MSH4: variants seen among roughly 807,000 people sequenced by gnomAD.
MSH4 encodes mutS protein homolog 4.
In MSH4, 106 loss-of-function variants were observed where a neutral mutation model predicts 113.7. The observed-to-expected ratio is 0.93, with a 90% CI of 0.80 to 1.10. MSH4 has a LOEUF of 1.10. Among genes scored for constraint, MSH4 ranks in the 50% least tolerant of loss-of-function variants. The pLI, the probability that MSH4 is intolerant of heterozygous loss-of-function variation, is 0.00. For missense variants in MSH4, 1,061 were observed against 1,093.7 expected, an observed-to-expected ratio of 0.97 and a Z score of 0.42; for synonymous variants, 368 against 380.2, an observed-to-expected ratio of 0.97 and a Z score of 0.37.
At chr1:75,809,719 C>T (rs1255931378) in intron 3 of MSH4, among the ~76,000 whole-genome samples, 2 of 149,294 alleles carry the variant, frequency 1.3e-5, no homozygotes, top group Non-Finnish European at 3.0e-5. Flanking sequence ...TGACTCACTG[C>T]GACCTCTGCC....
chr1:75,849,304 G>A (rs989121687), intron 8 of MSH4, among the ~76,000 whole-genome samples: 3 of 152,108 alleles, frequency 2.0e-5, no homozygotes, highest in African/African-American at 7.2e-5. Flanking sequence ...TTTAAATAGT[G>A]CTTATGGGTA....
chr1:75,801,655 C>T (rs1649938917), intron 1 of MSH4, among the ~76,000 whole-genome samples: 1 of 151,156 alleles, frequency 6.6e-6, no homozygotes, highest in Admixed American at 6.6e-5. Flanking sequence ...GGGAGGATTG[C>T]TTGAGGCCAG....
At chr1:75,840,472 G>C (rs1456098758) in intron 7 of MSH4, among the ~76,000 whole-genome samples, 18 of 138,754 alleles carry the variant, frequency 1.3e-4, no homozygotes, top group African/African-American at 4.6e-4. Context: ...TGAACAATGA[G>C]AACACATGGA....
intron 7 of MSH4, among the ~76,000 whole-genome samples, chr1:75,830,119 G>T (rs532409016): frequency 6.6e-6 from 1 of 152,142 alleles, no homozygotes; most frequent in Admixed American, 6.5e-5. Context: ...TGAAAACCGT[G>T]GCACGAGAAC....
At chr1:75,854,001 A>G (rs1651252945) in intron 8 of MSH4, among the ~76,000 whole-genome samples, 1 of 112,306 alleles carries the variant, frequency 8.9e-6, no homozygotes, top group Admixed American at 1.0e-4. Flanking sequence ...GCTAGGGCAT[A>G]AGTGTGTGTG....
intron 15 of MSH4, among the ~76,000 whole-genome samples, chr1:75,885,335 GTGTGTGTA>G (rs944854206): frequency 1.5e-5 from 2 of 135,808 alleles, no homozygotes; most frequent in African/African-American, 5.5e-5. Flanking sequence ...GTGTGTGTGT[GTGTGTGTA>G]TATATATATA....
intron 19 of MSH4, among the ~76,000 whole-genome samples, chr1:75,901,765 A>T (rs1652510090): frequency 6.6e-6 from 1 of 152,116 alleles, no homozygotes; most frequent in African/African-American, 2.4e-5. Context: ...ACTAATTTAC[A>T]TTCCCATCAA....
Position 75,797,141 on chromosome 1 carries a change from C to A in MSH4, c.156C>A (p.Thr52=). 1 of 1,613,682 alleles carries A rather than the reference C, an allele frequency of 6.2e-7. No homozygotes were observed. Among genetic ancestry groups the A allele is most frequent in the Middle Eastern group, 1.7e-4 (1 of 6,060 alleles). The change falls in exon 1 of 20, where the codon ACC becomes ACA. Residue 52 remains threonine (T), a synonymous_variant. Coordinates refer to ENST00000263187, the MANE Select transcript of MSH4 (RefSeq NM_002440.4). The part of the protein sequence containing the change: ...RPSVQVVSAS[T]CPGTSGAAGD... ...CGGTCCAGGTGGTCTCTGCATCCAC[C>A]TGTCCTGGCACGTCAGGAGCTGCGG...
intron 1 of MSH4, among the ~76,000 whole-genome samples, chr1:75,798,296 CTT>C (rs750266468): frequency 1.3e-5 from 2 of 152,142 alleles, no homozygotes; most frequent in Non-Finnish European, 2.9e-5. Flanking sequence ...CTCTTAAACT[CTT>C]TTAATTTGGC....
intron 12 of MSH4, among the ~76,000 whole-genome samples, chr1:75,879,840 A>G (rs1475443294): frequency 6.6e-6 from 1 of 152,166 alleles, no homozygotes; most frequent in Non-Finnish European, 1.5e-5. Context: ...TGCTTTTTAA[A>G]AATGAATGTA....
chr1:75,837,866 C>G (rs977676245), intron 7 of MSH4, among the ~76,000 whole-genome samples: 1 of 152,074 alleles, frequency 6.6e-6, no homozygotes, highest in African/African-American at 2.4e-5. Context: ...TTCTTCTATC[C>G]CCATGGCTGC....
intron 9 of MSH4, 26 bp downstream of exon 9, chr1:75,867,614 A>G: frequency 7.3e-7 from 1 of 1,372,278 alleles, no homozygotes; most frequent in Non-Finnish European, 1.0e-6. Context: ...GTATCGTACA[A>G]AACATGTCCA....
At chr1:75,826,741 G>A (rs1036357540) in intron 7 of MSH4, among the ~76,000 whole-genome samples, 6 of 152,146 alleles carry the variant, frequency 3.9e-5, no homozygotes, top group Non-Finnish European at 7.4e-5. Flanking sequence ...TCAGGAGGAG[G>A]TTGTTTACTT....
intron 13 of MSH4, among the ~76,000 whole-genome samples, 171 bp downstream of exon 13, chr1:75,880,324 G>A (rs1045534732): frequency 4.6e-5 from 7 of 152,054 alleles, no homozygotes; most frequent in Non-Finnish European, 1.0e-4. Context: ...CAGAAGCTTC[G>A]GGGAAGATCT....
At chr1:75,817,912 C>A (rs1469316603) in intron 6 of MSH4, among the ~76,000 whole-genome samples, 1 of 151,666 alleles carries the variant, frequency 6.6e-6, no homozygotes. Context: ...AGAATGATGA[C>A]TAAATCTTAA....
intron 7 of MSH4, among the ~76,000 whole-genome samples, chr1:75,832,263 A>G (rs576427307): frequency 6.6e-6 from 1 of 152,342 alleles, no homozygotes; most frequent in South Asian, 2.1e-4. Flanking sequence ...GAATAGACCA[A>G]TAACAGGCTC....
At chr1:75,869,819 G>A (rs567930017) in intron 9 of MSH4, among the ~76,000 whole-genome samples, 19 of 152,332 alleles carry the variant, frequency 1.2e-4, no homozygotes, top group African/African-American at 4.6e-4. Context: ...GCCTCTGTTA[G>A]GACAGTGCAG....
intron 15 of MSH4, 111 bp from the exon 16 acceptor site, chr1:75,889,140 A>T: frequency 1.7e-6 from 1 of 571,822 alleles, no homozygotes; most frequent in East Asian, 3.6e-5. Context: ...TGCCATATCT[A>T]GTGTTCTTTC....
chr1:75,871,580 C>A (rs1651713166), intron 9 of MSH4, among the ~76,000 whole-genome samples: 3 of 152,142 alleles, frequency 2.0e-5, no homozygotes, highest in South Asian at 4.1e-4. Flanking sequence ...TTTCATTTAT[C>A]TTAAAGGATG....
Sources: allele counts gnomAD v4.1 joint callset (sites outside exome capture counted in the v4.1 genomes callset), GRCh38; gene constraint gnomAD v4.1.1; transcripts MANE v1.5; gene names NCBI Gene and HGNC (gene_info 2026-07-23, HGNC 2026-07-21).